POM121: variants seen among roughly 807,000 people sequenced by gnomAD.
The protein encoded by POM121 is nuclear envelope pore membrane protein POM 121.
Under a neutral mutation model 81.3 loss-of-function variants are expected in POM121, and 32 were observed. That is an observed-to-expected ratio of 0.39 (90% CI 0.30 to 0.53). POM121 has a LOEUF of 0.53. POM121 is among the 20% of genes least tolerant of loss of function. The pLI, the probability that POM121 is intolerant of heterozygous loss-of-function variation, is 0.66. For synonymous variants in POM121, 514 were observed against 694.2 expected (o/e 0.74, Z 4.08); for missense variants, 1,138 against 1,614.6 (o/e 0.70, Z 5.06).
At chr7:72,946,103 G>T (rs782449831) in intron 12 of POM121, 34 bp from the exon 13 acceptor site, 1 of 1,608,264 alleles carries the variant, frequency 6.2e-7, no homozygotes, top group Non-Finnish European at 8.5e-7. Context: ...TCAGGTAGCA[G>T]CTGCCCTGAT....
intron 5 of POM121, among the ~76,000 whole-genome samples, chr7:72,934,168 T>A (rs1404947758): frequency 6.6e-6 from 1 of 150,854 alleles, no homozygotes; most frequent in Non-Finnish European, 1.5e-5. Context: ...CACTGCAACC[T>A]CCACCTCCTG....
At chr7:72,886,763 T>C (rs1790760053) in intron 1 of POM121, among the ~76,000 whole-genome samples, 2 of 151,894 alleles carry the variant, frequency 1.3e-5, no homozygotes, top group Admixed American at 1.3e-4. Context: ...AGAAATCTGA[T>C]CTCATACTCA....
upstream of POM121, among the ~76,000 whole-genome samples, chr7:72,920,314 A>G (rs1377166927): frequency 2.1e-5 from 3 of 145,732 alleles, no homozygotes; most frequent in Non-Finnish European, 4.5e-5. Context: ...GATGCCACAC[A>G]TTGGAAATTT....
intron 11 of POM121, among the ~76,000 whole-genome samples, chr7:72,944,464 C>T (rs1215115107): frequency 6.6e-6 from 1 of 151,818 alleles, no homozygotes; most frequent in Non-Finnish European, 1.5e-5. Context: ...AAAGGAACAT[C>T]ATATTAAAAA....
chr7:72,949,117 G>A, downstream of POM121: 1 of 1,562,350 alleles, frequency 6.4e-7, no homozygotes. Context: ...GGAAAAGCGT[G>A]TCTCGGTTAC....
chr7:72,898,325 CT>C (rs1554492039), intron 3 of POM121, among the ~76,000 whole-genome samples: 2 of 152,140 alleles, frequency 1.3e-5, no homozygotes, highest in Non-Finnish European at 2.9e-5. Context: ...AACTCCTGGG[CT>C]CAAGCGATCC....
downstream of POM121, chr7:72,950,065 T>C (rs1554504483): frequency 6.4e-7 from 1 of 1,572,764 alleles, no homozygotes; most frequent in Admixed American, 1.7e-5. Flanking sequence ...TACCCTGTCC[T>C]GCAGAATGAG....
Position 72,946,191 on chromosome 7 carries a change from G to C in POM121, c.3707G>C (p.Arg1236Pro). Reference protein sequence around the residue: ...IGAGSKTPGARQRLQARRQHT... With the variant: ...IGAGSKTPGAPQRLQARRQHT... ...GCGGGATCCAAGACCCCAGGGGCTCGACAGCGACTGCAGGCCCGAAGGCAG... is the reference window on the plus strand; with the variant it reads ...GCGGGATCCAAGACCCCAGGGGCTCCACAGCGACTGCAGGCCCGAAGGCAG... The change falls in exon 13 of 13, where the codon CGA becomes CCA. Residue 1236 changes from arginine to proline, a missense_variant. Coordinates refer to ENST00000434423, the MANE Select transcript of POM121 (RefSeq NM_001387691.1). 1 of 1,611,754 alleles carries C rather than the reference G, an allele frequency of 6.2e-7. No homozygotes were observed. The highest frequency in any genetic ancestry group is 8.5e-7 in the Non-Finnish European group (1 of 1,179,742).
intron 3 of POM121, among the ~76,000 whole-genome samples, chr7:72,893,690 T>C (rs1194948757): frequency 2.0e-5 from 3 of 152,224 alleles, no homozygotes; most frequent in Non-Finnish European, 4.4e-5. Flanking sequence ...CATTGTGCGT[T>C]GTGTGCCGGG....
chr7:72,895,000 A>G (rs1371099462), intron 3 of POM121, among the ~76,000 whole-genome samples: 4 of 152,064 alleles, frequency 2.6e-5, no homozygotes, highest in Non-Finnish European at 4.4e-5. Context: ...TAATTTTTAA[A>G]AATTTTCTAT....
At chr7:72,885,123 G>A (rs1402113325) in intron 1 of POM121, among the ~76,000 whole-genome samples, 5 of 152,118 alleles carry the variant, frequency 3.3e-5, no homozygotes, top group Non-Finnish European at 7.3e-5. Flanking sequence ...TGATTTTATA[G>A]AAGTCTTTAA....
At chr7:72,897,103 G>C (rs1792040776) in intron 3 of POM121, among the ~76,000 whole-genome samples, 1 of 152,024 alleles carries the variant, frequency 6.6e-6, no homozygotes, top group African/African-American at 2.4e-5. Flanking sequence ...AGTGAGCCGA[G>C]ATCGTGCCAC....
chr7:72,924,432 CTTTA>C (rs1274049813), upstream of POM121: 2 of 152,172 alleles, frequency 1.3e-5, no homozygotes, highest in African/African-American at 4.8e-5. Flanking sequence ...TTTTAAACAG[CTTTA>C]TTAAGATATA....
At chr7:72,937,762 A>C (rs1796655249) in intron 5 of POM121, among the ~76,000 whole-genome samples, 9 of 152,154 alleles carry the variant, frequency 5.9e-5, no homozygotes, top group Admixed American at 5.9e-4. Context: ...TGTGCCATCT[A>C]CTTTGCTGCT....
In POM121 at chr7:72,892,858, G is replaced by C. The variant is rs1389782163; in HGVS notation, c.-216+1748G>C. 4.6e-5 allele frequency among the ~76,000 whole-genome samples: 7 copies of C among 151,982 alleles called. 1 individual carries two copies. Among genetic ancestry groups the C allele is most frequent in the African/African-American group, 1.2e-4 (5 of 41,346 alleles). On this transcript the variant is annotated intron_variant, in intron 3 of 15. Coordinates refer to the POM121 transcript ENST00000395270. ...ATTTTTATATTTTTAGTAGAGACGG[G>C]GTTTCACCATATTGGTCAGGCTGGT...
intron 3 of POM121, among the ~76,000 whole-genome samples, chr7:72,907,657 T>C (rs1413246938): frequency 6.6e-6 from 1 of 152,086 alleles, no homozygotes; most frequent in African/African-American, 2.4e-5. Flanking sequence ...ATTGCAGGCA[T>C]GCACCGCCAC....
chr7:72,946,027 T>C, intron 12 of POM121, 110 bp from the exon 13 acceptor site: 1 of 1,485,596 alleles, frequency 6.7e-7, no homozygotes, highest in Non-Finnish European at 9.0e-7. Flanking sequence ...GAAAGCCCTA[T>C]TGAGGCACCC....
chr7:72,900,280 A>G (rs1188509737), intron 3 of POM121, among the ~76,000 whole-genome samples: 1 of 151,530 alleles, frequency 6.6e-6, no homozygotes, highest in African/African-American at 2.4e-5. Flanking sequence ...TGTTTGTAAT[A>G]TTTAATCTCA....
downstream of POM121, chr7:72,949,564 G>C: frequency 2.8e-6 from 2 of 720,188 alleles, no homozygotes; most frequent in Non-Finnish European, 4.9e-6. Context: ...AGCTGACACA[G>C]ACAACCAGAA....
Sources: gnomAD v4.1 joint callset for allele counts (sites outside exome capture counted in the v4.1 genomes callset) on GRCh38, gnomAD v4.1.1 for gene constraint, MANE v1.5 for transcripts, NCBI Gene and HGNC (gene_info 2026-07-23, HGNC 2026-07-21) for gene names.